OR4D10: variants seen among roughly 807,000 people sequenced by gnomAD.
The protein encoded by OR4D10 is olfactory receptor family 4 subfamily D member 10.
For missense variants in OR4D10, 395 were observed against 378.0 expected (o/e 1.04, Z -0.37); for synonymous variants, 188 against 153.2 (o/e 1.23, Z -1.68).
intron 2 of OR4D10, among the ~76,000 whole-genome samples, chr11:59,476,985 G>A (rs1026654220): frequency 2.6e-5 from 4 of 151,696 alleles, no homozygotes; most frequent in Non-Finnish European, 5.9e-5. Flanking sequence ...AAAAAACCTG[G>A]TACTTTCACT....
At position 59,477,438 on chromosome 11, in the gene OR4D10, G is replaced by A. The variant is rs373428225; in HGVS notation, c.9G>A (p.Met3Ile). The A allele has an allele frequency of 4.5e-6, 7 of 1,559,276 alleles. No individual in the cohort carries two copies. The highest frequency in any genetic ancestry group is 6.1e-6 in the Non-Finnish European group (7 of 1,154,060). ...ATAAAGAGGATGATTGAATGGAGAT[G>A]GAAAACTGCACCAGGGTAAAAGAAT... ME[M>I]ENCTRVKEFI... is the part of the protein sequence containing the mutation. Residue 3 changes from methionine to isoleucine, a missense_variant, in exon 3 of 3, where the codon ATG becomes ATA. Met to Ile is a conservative substitution (Grantham distance 10). Transcript: ENST00000530162.
intron 2 of OR4D10, 126 bp downstream of exon 2, chr11:59,473,919 A>G (rs1220806678): frequency 6.6e-6 from 1 of 152,230 alleles, no homozygotes; most frequent in African/African-American, 2.4e-5. Context: ...GTGTGAGGCC[A>G]CCTCAGCCTA....
At chr11:59,476,547 AT>A (rs59180472) in intron 2 of OR4D10, among the ~76,000 whole-genome samples, 27,855 of 151,882 alleles carry the variant, frequency 0.18, 4,687 homozygotes, top group African/African-American at 0.43. Flanking sequence ...CGCATGGCTA[AT>A]TTTTTTTATT....
intron 2 of OR4D10, among the ~76,000 whole-genome samples, chr11:59,476,846 A>G (rs1450359924): frequency 6.6e-6 from 1 of 151,242 alleles, no homozygotes; most frequent in African/African-American, 2.4e-5. Context: ...CCTTTGGGGG[A>G]AAAAAAAATC....
intron 2 of OR4D10, among the ~76,000 whole-genome samples, chr11:59,474,921 C>A (rs974169275): frequency 5.3e-5 from 8 of 151,332 alleles, no homozygotes; most frequent in African/African-American, 1.7e-4. Flanking sequence ...ATTAGCCGGG[C>A]GTGGTGGCGT....
Position 59,478,393 on chromosome 11 carries a change from C to T in OR4D10, c.*28C>T, listed in dbSNP as rs1469294321. The T allele has an allele frequency of 7.1e-7, 1 of 1,406,500 alleles. No individual in the cohort carries two copies. The highest frequency in any genetic ancestry group is 1.4e-5 in the South Asian group (1 of 70,580). 87.1% of individuals were successfully genotyped at this position (1,406,500 alleles called of 1,614,324 possible). On this transcript the variant is annotated 3_prime_UTR_variant, in exon 3 of 3. Coordinates refer to ENST00000530162, the MANE Select transcript of OR4D10 (RefSeq NM_001004705.2). ...AAAAAAATCCTCAGCTCTTCATCAC[C>T]AAAGATATCTTATATTTATTATTTT...
Position 59,477,960 on chromosome 11 carries a change from C to G in OR4D10, c.531C>G (p.Phe177Leu), listed in dbSNP as rs765281999. Residue 177 changes from phenylalanine (F) to leucine (L), a missense_variant, in exon 3 of 3, where the codon TTC (phenylalanine) becomes TTG (leucine). By Grantham distance (22) the Phe-to-Leu change is conservative (BLOSUM62 0). Transcript: ENST00000530162. ...PFCGPNVLDT[F>L]YCDVHRVLKL... ...GCGGACCCAATGTTCTTGACACTTTCTACTGTGATGTCCACCGGGTCCTCA... is the reference window on the plus strand; with the variant it reads ...GCGGACCCAATGTTCTTGACACTTTGTACTGTGATGTCCACCGGGTCCTCA... 5.0e-6 allele frequency: 8 copies of G among 1,614,168 alleles called. No homozygotes were observed. The highest frequency in any genetic ancestry group is 6.8e-6 in the Non-Finnish European group (8 of 1,180,026).
At chr11:59,476,448 A>T (rs1223424563) in intron 2 of OR4D10, among the ~76,000 whole-genome samples, 1 of 152,158 alleles carries the variant, frequency 6.6e-6, no homozygotes, top group Non-Finnish European at 1.5e-5. Flanking sequence ...GGGTGCAATC[A>T]TGCCTCACTG....
At chr11:59,476,466 G>A (rs1858909702) in intron 2 of OR4D10, among the ~76,000 whole-genome samples, 1 of 152,122 alleles carries the variant, frequency 6.6e-6, no homozygotes, top group Non-Finnish European at 1.5e-5. Context: ...CTGCAGCCTG[G>A]ACTTCCGGGG....
chr11:59,474,543 C>T (rs899120755), intron 2 of OR4D10, among the ~76,000 whole-genome samples: 12 of 152,142 alleles, frequency 7.9e-5, no homozygotes, highest in Non-Finnish European at 5.9e-5. Flanking sequence ...ATGACAATAT[C>T]TCTCATTGCT....
chr11:59,475,668 GC>G (rs1191720383), intron 2 of OR4D10, among the ~76,000 whole-genome samples: 1 of 152,194 alleles, frequency 6.6e-6, no homozygotes, highest in African/African-American at 2.4e-5. Flanking sequence ...CAAAATGTGT[GC>G]CGAAGGACTG....
chr11:59,477,710 T>C lies in OR4D10; in HGVS notation c.281T>C (p.Phe94Ser). ...DLLSERKTIS[F>S]NHCFTQMFLF... Reference sequence around the variant, plus strand: ...CTGTCTGAAAGAAAGACCATCTCCTTCAATCATTGCTTCACTCAGATGTTT... The same window carrying C: ...CTGTCTGAAAGAAAGACCATCTCCTCCAATCATTGCTTCACTCAGATGTTT... Residue 94 changes from phenylalanine to serine, a missense_variant, in exon 3 of 3, where the codon TTC becomes TCC. Coordinates refer to ENST00000530162, the MANE Select transcript of OR4D10 (RefSeq NM_001004705.2). 2 of 1,614,174 alleles carry C rather than the reference T, an allele frequency of 1.2e-6. No individual in the cohort carries two copies. The highest frequency in any genetic ancestry group is 1.3e-5 in the African/African-American group (1 of 75,058).
chr11:59,475,473 T>G (rs540660459), intron 2 of OR4D10, among the ~76,000 whole-genome samples: 11 of 152,282 alleles, frequency 7.2e-5, no homozygotes, highest in African/African-American at 2.6e-4. Flanking sequence ...CGCACTAGTC[T>G]CAGCTAGAGC....
chr11:59,476,015 G>A (rs1368515723), intron 2 of OR4D10, among the ~76,000 whole-genome samples: 1 of 152,168 alleles, frequency 6.6e-6, no homozygotes, highest in Non-Finnish European at 1.5e-5. Context: ...AGCTTTGGAG[G>A]TAAACAGAAT....
In OR4D10 at chr11:59,473,511, C is replaced by T. The variant is rs772473760; in HGVS notation, c.-354C>T. ...CTCCAAAAGCAGAGCAAAGACACTG[C>T]GATATTTAGCATAGCAAAGGGCTTA... On this transcript the variant is annotated 5_prime_UTR_variant, in exon 1 of 3. Coordinates refer to ENST00000530162, the MANE Select transcript of OR4D10 (RefSeq NM_001004705.2). 2 of 152,126 alleles carry T rather than the reference C, an allele frequency of 1.3e-5. No individual in the cohort carries two copies. The highest frequency in any genetic ancestry group is 2.9e-5 in the Non-Finnish European group (2 of 68,032). The allele number at this position is 152,126 out of a possible 1,614,324, so 9.4% of individuals were successfully genotyped here.
intron 2 of OR4D10, among the ~76,000 whole-genome samples, chr11:59,475,044 G>T (rs1301667494): frequency 1.8e-5 from 2 of 112,642 alleles, no homozygotes; most frequent in African/African-American, 6.9e-5. Context: ...CTGGGTGACA[G>T]AGTGAGACTC....
Position 59,478,588 on chromosome 11 carries a change from AT to A in OR4D10, c.*227del. ...GAGCTCCCTCCTCTTTACCACCAAG[AT>A]TTTGTTTCATGATTTTTCTTCCATG... On this transcript the variant is annotated 3_prime_UTR_variant, in exon 3 of 3. Transcript: ENST00000530162. 2.6e-6 allele frequency: 1 copy of A among 379,468 alleles called. No homozygotes were observed. Among genetic ancestry groups the A allele is most frequent in the South Asian group, 9.9e-5 (1 of 10,070 alleles). The allele number at this position is 379,468 out of a possible 1,614,324, so 23.5% of individuals were successfully genotyped here.
chr11:59,476,426 G>A lies in OR4D10; in HGVS notation c.-168-836G>A, dbSNP rs1347881167. On this transcript the variant is annotated intron_variant, in intron 2 of 2. Transcript: ENST00000530162. ...AGACAGGGTCTCACTCTGTCACCCA[G>A]GCTGGAGTGCAGGGTGCAATCATGC... 2.0e-5 allele frequency among the ~76,000 whole-genome samples: 3 copies of A among 152,186 alleles called. No individual in the cohort carries two copies. In the East Asian group the frequency reaches 5.8e-4, roughly 29 times the overall value.
At position 59,477,740 on chromosome 11, in the gene OR4D10, T is replaced by C; in HGVS notation, c.311T>C (p.Phe104Ser). Residue 104 changes from phenylalanine to serine, a missense_variant, in exon 3 of 3, where the codon TTC becomes TCC. Phe to Ser is a radical substitution (Grantham distance 155). Transcript: ENST00000530162. ...CATTGCTTCACTCAGATGTTTCTAT[T>C]CCACCTTATTGGAGGGGTGGATGTA... is the stretch of plus-strand genomic sequence containing the variant. Reference protein sequence around the residue: ...FNHCFTQMFLFHLIGGVDVFS... With the variant: ...FNHCFTQMFLSHLIGGVDVFS... The C allele has an allele frequency of 6.2e-7, 1 of 1,614,188 alleles. No homozygotes were observed. The highest frequency in any genetic ancestry group is 1.3e-5 in the African/African-American group (1 of 75,068).
Sources: allele counts gnomAD v4.1 joint callset (sites outside exome capture counted in the v4.1 genomes callset), GRCh38; gene constraint gnomAD v4.1.1; transcripts MANE v1.5; gene names NCBI Gene and HGNC (gene_info 2026-07-23, HGNC 2026-07-21).